Variants in STIM2 observed in about 807,000 individuals in gnomAD.
The protein encoded by STIM2 is stromal interaction molecule 2.
STIM2 carries 31 observed loss-of-function variants against 85.8 expected under a neutral mutation model. The ratio of observed to expected loss-of-function variants is 0.36; its 90% CI spans 0.27 to 0.49. The LOEUF is 0.49. STIM2 is among the 20% of genes least tolerant of loss of function. STIM2 has a pLI of 0.98. For missense variants in STIM2, 841 were observed against 927.6 expected, an observed-to-expected ratio of 0.91 and a Z score of 1.21; for synonymous variants, 356 against 331.1, an observed-to-expected ratio of 1.08 and a Z score of -0.82.
chr4:27,006,542 T>C (rs1728365677), intron 7 of STIM2, among the ~76,000 whole-genome samples: 1 of 152,196 alleles, frequency 6.6e-6, no homozygotes. Context: ...CATAATTACA[T>C]CCTGTGTCTT....
At chr4:26,881,237 A>G (rs1174021426) in intron 1 of STIM2, among the ~76,000 whole-genome samples, 1 of 152,106 alleles carries the variant, frequency 6.6e-6, no homozygotes, top group Non-Finnish European at 1.5e-5. Context: ...AGGCCTAGGC[A>G]GGTGGATCAT....
chr4:26,954,244 A>G (rs1424887854), intron 2 of STIM2, among the ~76,000 whole-genome samples: 4 of 152,216 alleles, frequency 2.6e-5, no homozygotes, highest in African/African-American at 4.8e-5. Flanking sequence ...TATGTAAAGC[A>G]TTAACTTTCA....
chr4:26,980,882 G>T (rs1026449398), intron 3 of STIM2, among the ~76,000 whole-genome samples: 5 of 152,052 alleles, frequency 3.3e-5, no homozygotes, highest in Admixed American at 1.3e-4. Flanking sequence ...TTTCAATATT[G>T]TGGGTTGACG....
At chr4:26,980,181 C>T (rs1238838070) in intron 3 of STIM2, among the ~76,000 whole-genome samples, 1 of 152,164 alleles carries the variant, frequency 6.6e-6, no homozygotes, top group African/African-American at 2.4e-5. Context: ...TTATATTTGT[C>T]TTATAGAATA....
At chr4:26,997,375 G>A (rs115904399) in intron 4 of STIM2, among the ~76,000 whole-genome samples, 2,225 of 152,192 alleles carry the variant, frequency 0.015, 34 homozygotes, top group Non-Finnish European at 0.023. Flanking sequence ...GGCTGTAGTG[G>A]TTATCTTAAA....
At chr4:26,999,712 A>G (rs1434898281) in intron 5 of STIM2, among the ~76,000 whole-genome samples, 1 of 152,214 alleles carries the variant, frequency 6.6e-6, no homozygotes, top group African/African-American at 2.4e-5. Context: ...AACCATCTTG[A>G]TGGCATGAAG....
rs568836489 is a variant in STIM2, at chr4:26,908,114, C to G, written c.152-11390C>G. On this transcript the variant is annotated intron_variant, in intron 1 of 11. Transcript: ENST00000467087. ...TCCAGTAAACACATAGCAACACTTA[C>G]GTCTCAAATGAACATTTCCTTTTTG... 5.9e-5 allele frequency among the ~76,000 whole-genome samples: 9 copies of G among 152,306 alleles called. No homozygotes were observed. In the South Asian group the frequency reaches 1.2e-3, roughly 21 times the overall value.
chr4:26,932,782 A>G (rs1017998136), intron 2 of STIM2, among the ~76,000 whole-genome samples: 3 of 152,188 alleles, frequency 2.0e-5, no homozygotes, highest in African/African-American at 7.2e-5. Context: ...ACAGAAAAAT[A>G]ATTAAGAGCT....
At chr4:26,984,359 A>G (rs10010180) in intron 3 of STIM2, among the ~76,000 whole-genome samples, 55,752 of 151,898 alleles carry the variant, frequency 0.37, 10,548 homozygotes, top group East Asian at 0.62. Flanking sequence ...TATTTCTCCA[A>G]TTTTTTTTGT....
chr4:26,990,365 CTGTT>C (rs1456578389), intron 3 of STIM2, among the ~76,000 whole-genome samples: 1 of 152,126 alleles, frequency 6.6e-6, no homozygotes, highest in Non-Finnish European at 1.5e-5. Context: ...AAGGAATGGT[CTGTT>C]TAATAAATGG....
At chr4:26,992,710 C>A (rs1268766191) in intron 3 of STIM2, among the ~76,000 whole-genome samples, 2 of 151,922 alleles carry the variant, frequency 1.3e-5, no homozygotes, top group Non-Finnish European at 2.9e-5. Context: ...ATGATCTGTC[C>A]TAAGAAATGA....
chr4:27,022,168 G>C (rs1443451008), intron 11 of STIM2, among the ~76,000 whole-genome samples: 1 of 152,060 alleles, frequency 6.6e-6, no homozygotes, highest in Admixed American at 6.5e-5. Flanking sequence ...CTCTGATTTA[G>C]AAAGAAAAAT....
chr4:27,006,903 G>A (rs1728381745), intron 7 of STIM2, among the ~76,000 whole-genome samples: 1 of 152,140 alleles, frequency 6.6e-6, no homozygotes. Flanking sequence ...TTATGTAGCG[G>A]AAGTGGTAAA....
At chr4:26,979,849 C>T (rs1727316306) in intron 3 of STIM2, among the ~76,000 whole-genome samples, 1 of 152,088 alleles carries the variant, frequency 6.6e-6, no homozygotes, top group South Asian at 2.1e-4. Flanking sequence ...TCTTCATTTT[C>T]TATATTTGTT....
rs1207447885 is a variant in STIM2, at chr4:27,024,292, C to G, written c.*1296C>G. 6.6e-6 allele frequency: 1 copy of G among 152,124 alleles called. No homozygotes were observed. Among genetic ancestry groups the G allele is most frequent in the African/African-American group, 2.4e-5 (1 of 41,436 alleles). 9.4% of individuals were successfully genotyped at this position (152,124 alleles called of 1,614,324 possible). ...CAGTAGAGAGTTAAGTTCCATATAG[C>G]AACAAAGTATGTTAACATCTAGGGA... is the stretch of plus-strand genomic sequence containing the variant. On this transcript the variant is annotated 3_prime_UTR_variant, in exon 12 of 12. Coordinates refer to ENST00000467087, the MANE Select transcript of STIM2 (RefSeq NM_020860.4).
intron 1 of STIM2, among the ~76,000 whole-genome samples, chr4:26,911,625 C>T (rs1003771532): frequency 1.3e-5 from 2 of 152,164 alleles, no homozygotes; most frequent in African/African-American, 4.8e-5. Context: ...TATCTAGAGT[C>T]TTCTTCCTGC....
At position 26,966,217 on chromosome 4, in the gene STIM2, A is replaced by G. The variant is rs76565920; in HGVS notation, c.397+8491A>G. The stretch of plus-strand genomic sequence containing the variant: ...GAAACAGTAGCCTTTTTTGGACATC[A>G]TATTGTCCTTTCTACCCTTTTCCTA... On this transcript the variant is annotated intron_variant, in intron 3 of 11. Coordinates refer to ENST00000467087, the MANE Select transcript of STIM2 (RefSeq NM_020860.4). 1.1e-3 allele frequency among the ~76,000 whole-genome samples: 167 copies of G among 152,218 alleles called. 1 individual carries two copies. In the East Asian group the frequency reaches 0.026, roughly 24 times the overall value.
chr4:26,921,274 A>C (rs1724787221), intron 2 of STIM2, among the ~76,000 whole-genome samples: 1 of 152,236 alleles, frequency 6.6e-6, no homozygotes, highest in Non-Finnish European at 1.5e-5. Context: ...CCTTTGAGAG[A>C]GCATGATTCT....
rs764965234 is a variant in STIM2 at position 27,022,865 on chromosome 4, G to A, written c.2110G>A (p.Asp704Asn). 6.2e-6 allele frequency: 10 copies of A among 1,614,194 alleles called. No individual in the cohort carries two copies. Among genetic ancestry groups the A allele is most frequent in the Middle Eastern group, 1.6e-4 (1 of 6,062 alleles). ...CACATCATGTTCCTCAGCTGGCAAC[G>A]ACAGTAAACCAGTTCAGGAAGCCCC... Residue 704 changes from aspartate to asparagine, a missense_variant, in exon 12 of 12, where the codon GAC becomes AAC. Physicochemically the swap from Asp to Asn is conservative, Grantham distance 23. Transcript: ENST00000467087.
Sources: gnomAD v4.1 joint callset for allele counts (sites outside exome capture counted in the v4.1 genomes callset) on GRCh38, gnomAD v4.1.1 for gene constraint, MANE v1.5 for transcripts, NCBI Gene and HGNC (gene_info 2026-07-23, HGNC 2026-07-21) for gene names.